Variants in LRRTM4 observed in about 807,000 individuals in gnomAD.
The protein encoded by LRRTM4 is leucine-rich repeat transmembrane neuronal protein 4.
A neutral mutation model predicts 47.6 loss-of-function variants in LRRTM4; 25 were observed. The observed-to-expected ratio is 0.53, with a 90% CI of 0.38 to 0.73. The LOEUF (loss-of-function observed/expected upper bound fraction) is 0.73. LRRTM4 is among the 30% of genes least tolerant of loss of function. The pLI is 0.00. For missense variants in LRRTM4, 638 were observed against 713.4 expected (o/e 0.89, Z 1.20); for synonymous variants, 311 against 269.5 (o/e 1.15, Z -1.51).
intron 3 of LRRTM4, among the ~76,000 whole-genome samples, chr2:76,775,895 T>C (rs1380986832): frequency 6.6e-6 from 1 of 151,988 alleles, no homozygotes; most frequent in Non-Finnish European, 1.5e-5. Context: ...CTCCCAATGC[T>C]ATCCCTCCCG....
intron 3 of LRRTM4, among the ~76,000 whole-genome samples, chr2:77,502,608 T>C (rs1476608077): frequency 6.6e-6 from 1 of 151,694 alleles, no homozygotes; most frequent in Non-Finnish European, 1.5e-5. Flanking sequence ...TTTTATTGTA[T>C]ACAAGACATG....
chr2:77,503,121 T>C (rs55847661), intron 3 of LRRTM4, among the ~76,000 whole-genome samples: 27,959 of 151,056 alleles, frequency 0.19, 2,987 homozygotes, highest in Non-Finnish European at 0.25. Flanking sequence ...AAATAAATAA[T>C]GGAGGATGTA....
intron 3 of LRRTM4, among the ~76,000 whole-genome samples, chr2:77,273,617 T>C (rs547415419): frequency 1.4e-4 from 21 of 152,258 alleles, no homozygotes; most frequent in Admixed American, 5.2e-4. Flanking sequence ...GTCAGGTTTT[T>C]CAAATGTTTA....
intron 3 of LRRTM4, among the ~76,000 whole-genome samples, chr2:77,142,905 C>G (rs1250669327): frequency 3.9e-5 from 6 of 152,142 alleles, no homozygotes; most frequent in Non-Finnish European, 8.8e-5. Context: ...GGTTACTCCT[C>G]TTGTGACAAA....
At chr2:77,429,861 T>C (rs1573402900) in intron 3 of LRRTM4, among the ~76,000 whole-genome samples, 1 of 151,498 alleles carries the variant, frequency 6.6e-6, no homozygotes, top group South Asian at 2.1e-4. Context: ...AAGTCAGGAG[T>C]TCGAGACTAG....
chr2:77,130,136 C>T (rs960323648), intron 3 of LRRTM4, among the ~76,000 whole-genome samples: 2 of 152,134 alleles, frequency 1.3e-5, no homozygotes, highest in Non-Finnish European at 1.5e-5. Context: ...TTTGCCATAA[C>T]ATTTTTAATG....
intron 3 of LRRTM4, among the ~76,000 whole-genome samples, chr2:76,916,789 C>T (rs1054486655): frequency 3.3e-5 from 5 of 152,300 alleles, no homozygotes; most frequent in Admixed American, 3.3e-4. Context: ...ATTTTTAGAA[C>T]TATCTTTAAT....
intron 3 of LRRTM4, among the ~76,000 whole-genome samples, chr2:77,317,127 T>C (rs958637310): frequency 1.0e-4 from 15 of 149,378 alleles, no homozygotes; most frequent in Non-Finnish European, 1.5e-5. Flanking sequence ...ACAATCTTCA[T>C]GATAAAATGT....
chr2:76,936,351 A>G (rs905384858), intron 3 of LRRTM4, among the ~76,000 whole-genome samples: 1 of 148,676 alleles, frequency 6.7e-6, no homozygotes, highest in Non-Finnish European at 1.5e-5. Context: ...AAAACCAAAC[A>G]CCACATGTTC....
intron 3 of LRRTM4, among the ~76,000 whole-genome samples, chr2:77,116,475 G>A (rs1480629608): frequency 6.6e-6 from 1 of 152,046 alleles, no homozygotes; most frequent in Non-Finnish European, 1.5e-5. Flanking sequence ...TGCAGTTTAA[G>A]AAGGGTTAGT....
intron 3 of LRRTM4, among the ~76,000 whole-genome samples, chr2:77,245,400 A>C (rs527704892): frequency 6.6e-6 from 1 of 151,844 alleles, no homozygotes; most frequent in South Asian, 2.1e-4. Flanking sequence ...TAAAAAACAA[A>C]ACAAAACAAA....
intron 3 of LRRTM4, among the ~76,000 whole-genome samples, chr2:76,813,902 G>C (rs144308029): frequency 8.6e-6 from 1 of 116,304 alleles, no homozygotes; most frequent in Non-Finnish European, 1.7e-5. Flanking sequence ...GAACCAATTT[G>C]GCAATTATTA....
chr2:77,072,248 G>A (rs1280530587), intron 3 of LRRTM4, among the ~76,000 whole-genome samples: 2 of 152,086 alleles, frequency 1.3e-5, no homozygotes, highest in East Asian at 3.9e-4. Flanking sequence ...ACTAATTACA[G>A]TTCTGACTCT....
chr2:77,075,286 C>G (rs186662685), intron 3 of LRRTM4, among the ~76,000 whole-genome samples: 3 of 152,290 alleles, frequency 2.0e-5, no homozygotes, highest in African/African-American at 7.2e-5. Context: ...ATTTCTACAA[C>G]TTGTAAATGT....
intron 3 of LRRTM4, among the ~76,000 whole-genome samples, chr2:77,311,186 G>A (rs1244150819): frequency 6.6e-6 from 1 of 152,122 alleles, no homozygotes; most frequent in Non-Finnish European, 1.5e-5. Flanking sequence ...GTCTTGAAGT[G>A]CAAAGTTGGC....
intron 3 of LRRTM4, among the ~76,000 whole-genome samples, chr2:76,835,848 T>A (rs1671495519): frequency 1.3e-5 from 2 of 152,080 alleles, no homozygotes; most frequent in African/African-American, 4.8e-5. Context: ...GAAAATAGAT[T>A]ATGAATATGA....
At chr2:77,123,567 C>T (rs1042998041) in intron 3 of LRRTM4, among the ~76,000 whole-genome samples, 3 of 151,936 alleles carry the variant, frequency 2.0e-5, no homozygotes, top group Non-Finnish European at 4.4e-5. Context: ...TTGGCCTTAA[C>T]TATCATTTTT....
intron 3 of LRRTM4, among the ~76,000 whole-genome samples, chr2:77,419,878 G>A (rs1372380968): frequency 6.6e-6 from 1 of 152,128 alleles, no homozygotes; most frequent in Non-Finnish European, 1.5e-5. Context: ...GAACGATTAA[G>A]TAATCATAGA....
chr2:77,154,983 C>T (rs1672520172), intron 3 of LRRTM4, among the ~76,000 whole-genome samples: 1 of 152,116 alleles, frequency 6.6e-6, no homozygotes, highest in Admixed American at 6.6e-5. Flanking sequence ...CCGGCCCTTG[C>T]ACTACTAACT....
Sources: gnomAD v4.1 joint callset for allele counts (sites outside exome capture counted in the v4.1 genomes callset) on GRCh38, gnomAD v4.1.1 for gene constraint, MANE v1.5 for transcripts, NCBI Gene and HGNC (gene_info 2026-07-23, HGNC 2026-07-21) for gene names.